Variants in VPS26A observed in about 807,000 individuals in gnomAD.
The protein encoded by VPS26A is vacuolar protein sorting-associated protein 26A.
A neutral mutation model predicts 42.4 loss-of-function variants in VPS26A; 22 were observed. The observed-to-expected ratio is 0.52, with a 90% confidence interval of 0.37 to 0.74. The LOEUF is 0.74. VPS26A is among the 30% of genes least tolerant of loss of function. The pLI, the probability that VPS26A is intolerant of heterozygous loss-of-function variation, is 0.00. For missense variants in VPS26A, 276 were observed against 379.2 expected, an observed-to-expected ratio of 0.73 and a Z score of 2.26; for synonymous variants, 110 against 123.5, an observed-to-expected ratio of 0.89 and a Z score of 0.73.
chr10:69,146,754 T>C (rs1841169263), intron 2 of VPS26A, among the ~76,000 whole-genome samples: 1 of 151,610 alleles, frequency 6.6e-6, no homozygotes, highest in Non-Finnish European at 1.5e-5. Context: ...CATTCTTCTT[T>C]TGTTTGTTTT....
chr10:69,164,735 G>A (rs1452171042), intron 6 of VPS26A, among the ~76,000 whole-genome samples: 1 of 152,092 alleles, frequency 6.6e-6, no homozygotes, highest in African/African-American at 2.4e-5. Flanking sequence ...ATACATTGTG[G>A]TTTAGGGATT....
intron 1 of VPS26A, among the ~76,000 whole-genome samples, chr10:69,124,587 G>C (rs1004366845): frequency 7.9e-5 from 12 of 152,198 alleles, no homozygotes; most frequent in Non-Finnish European, 1.5e-4. Flanking sequence ...CTCTGCGGGG[G>C]CTGGTCGCCG....
At chr10:69,127,704 G>A (rs77437082) in intron 1 of VPS26A, among the ~76,000 whole-genome samples, 1 of 135,036 alleles carries the variant, frequency 7.4e-6, no homozygotes, top group Non-Finnish European at 1.6e-5. Context: ...CAATTTTAGT[G>A]TTTTGATTGT....
At chr10:69,144,160 C>T (rs1841103901) in intron 2 of VPS26A, among the ~76,000 whole-genome samples, 1 of 152,192 alleles carries the variant, frequency 6.6e-6, no homozygotes, top group African/African-American at 2.4e-5. Context: ...GTTCTGTGTA[C>T]TCCCTTCTTC....
At chr10:69,147,385 C>A (rs923705959) in intron 2 of VPS26A, among the ~76,000 whole-genome samples, 4 of 151,906 alleles carry the variant, frequency 2.6e-5, no homozygotes, top group African/African-American at 9.7e-5. Flanking sequence ...GTGTCTTTTG[C>A]AGTGCAAAAG....
At position 69,133,012 on chromosome 10, in the gene VPS26A, T is replaced by C; in HGVS notation, c.118T>C (p.Tyr40His). Reference sequence around the variant, plus strand: ...TGAAGATGGCAAAGTAGAAAAACACTATCTCTTCTATGACGGAGAATCCGT... The same window carrying C: ...TGAAGATGGCAAAGTAGAAAAACACCATCTCTTCTATGACGGAGAATCCGT... ...KTEDGKVEKH[Y>H]LFYDGESVSG... The change falls in exon 2 of 9, where the codon TAT becomes CAT. Residue 40 changes from tyrosine (Y) to histidine (H), a missense_variant. Transcript: ENST00000263559. 6.2e-7 allele frequency: 1 copy of C among 1,611,140 alleles called. No individual in the cohort carries two copies. The highest frequency in any genetic ancestry group is 8.5e-7 in the Non-Finnish European group (1 of 1,179,426).
chr10:69,156,453 ATAATACTGTCT>A (rs1841431266), intron 3 of VPS26A, among the ~76,000 whole-genome samples: 1 of 152,156 alleles, frequency 6.6e-6, no homozygotes, highest in Non-Finnish European at 1.5e-5. Flanking sequence ...ATATGTCTTT[ATAATACTGTCT>A]ACATAACTAG....
intron 2 of VPS26A, among the ~76,000 whole-genome samples, chr10:69,154,409 GC>G: frequency 6.6e-6 from 1 of 152,314 alleles, no homozygotes; most frequent in East Asian, 1.9e-4. Context: ...GGTGGCACAT[GC>G]CTGTAATCCC....
chr10:69,144,740 T>C (rs1841117632), intron 2 of VPS26A, among the ~76,000 whole-genome samples: 1 of 152,050 alleles, frequency 6.6e-6, no homozygotes, highest in African/African-American at 2.4e-5. Flanking sequence ...CTTTTTCTCT[T>C]ATTGATGTGT....
At chr10:69,148,801 G>A (rs1279522924) in intron 2 of VPS26A, among the ~76,000 whole-genome samples, 3 of 142,734 alleles carry the variant, frequency 2.1e-5, no homozygotes, top group East Asian at 2.1e-4. Flanking sequence ...TGTTGCCTAC[G>A]CTGGAGTGCA....
chr10:69,146,524 A>G (rs533934411), intron 2 of VPS26A, among the ~76,000 whole-genome samples: 1 of 152,296 alleles, frequency 6.6e-6, no homozygotes, highest in African/African-American at 2.4e-5. Flanking sequence ...TATATTTCCA[A>G]AATTTTTTCA....
At chr10:69,162,691 AT>A (rs1183368427) in intron 6 of VPS26A, among the ~76,000 whole-genome samples, 179 bp downstream of exon 6, 1 of 152,200 alleles carries the variant, frequency 6.6e-6, no homozygotes, top group Non-Finnish European at 1.5e-5. Flanking sequence ...TCCAGAATTT[AT>A]TTTTTATAAA....
At chr10:69,149,552 T>C (rs1841244265) in intron 2 of VPS26A, among the ~76,000 whole-genome samples, 1 of 152,074 alleles carries the variant, frequency 6.6e-6, no homozygotes, top group Non-Finnish European at 1.5e-5. Flanking sequence ...TCGCCCAGCA[T>C]GGAGTGCAGT....
chr10:69,129,828 A>C (rs1228822585), intron 1 of VPS26A, among the ~76,000 whole-genome samples: 1 of 152,202 alleles, frequency 6.6e-6, no homozygotes, highest in African/African-American at 2.4e-5. Flanking sequence ...TGGCCCAAAA[A>C]GAAAATTTGC....
intron 2 of VPS26A, among the ~76,000 whole-genome samples, chr10:69,148,213 A>G (rs1158886982): frequency 2.6e-5 from 4 of 152,210 alleles, no homozygotes; most frequent in African/African-American, 9.6e-5. Flanking sequence ...TTTAGAAGTC[A>G]ATTTTCACTG....
chr10:69,141,756 G>A (rs79675796), intron 2 of VPS26A, among the ~76,000 whole-genome samples: 2,095 of 152,166 alleles, frequency 0.014, 38 homozygotes, highest in African/African-American at 0.047. Flanking sequence ...AGTGCTTAGG[G>A]CCATTATTAA....
In VPS26A at chr10:69,138,359, A is replaced by G. The variant is rs188491885; in HGVS notation, c.153+5312A>G. On this transcript the variant is annotated intron_variant, in intron 2 of 8. Coordinates refer to ENST00000263559, the MANE Select transcript of VPS26A (RefSeq NM_004896.5). Reference sequence around the variant, plus strand: ...GTGTAGCAGTTTTGTGTGGACCTATATTTTCCTTTCTCTTGAGCATGTACC... The same window carrying G: ...GTGTAGCAGTTTTGTGTGGACCTATGTTTTCCTTTCTCTTGAGCATGTACC... 3.9e-5 allele frequency among the ~76,000 whole-genome samples: 6 copies of G among 152,154 alleles called. No homozygotes were observed. The East Asian group carries it at 7.7e-4, about 20-fold the overall frequency.
chr10:69,152,560 GCAGTTTACAAACAGAAGTAAT>G (rs1421913972), intron 2 of VPS26A, among the ~76,000 whole-genome samples: 2 of 152,172 alleles, frequency 1.3e-5, no homozygotes, highest in Non-Finnish European at 2.9e-5. Flanking sequence ...TTTAATCTAT[GCAGTTTACAAACAGAAGTAAT>G]TGGACCTCTT....
chr10:69,142,253 C>T (rs1449249932), intron 2 of VPS26A, among the ~76,000 whole-genome samples: 2 of 137,782 alleles, frequency 1.5e-5, no homozygotes, highest in African/African-American at 2.8e-5. Flanking sequence ...GTCATGATTA[C>T]GGCTCACTGC....
Sources: gnomAD v4.1 joint callset for allele counts (sites outside exome capture counted in the v4.1 genomes callset) on GRCh38, gnomAD v4.1.1 for gene constraint, MANE v1.5 for transcripts, NCBI Gene and HGNC (gene_info 2026-07-23, HGNC 2026-07-21) for gene names.